The following SGCD variants were observed in gnomAD, a reference collection of about 807,000 sequenced individuals.
SGCD encodes the protein delta-sarcoglycan.
Under a neutral mutation model 36.6 loss-of-function variants are expected in SGCD, and 18 were observed. That is an observed-to-expected ratio of 0.49 (90% CI 0.34 to 0.73). The LOEUF (loss-of-function observed/expected upper bound fraction) is 0.73, where lower values mean the gene tolerates loss of function less well. Ranked by LOEUF, SGCD falls within the 30% of genes least tolerant of loss-of-function variation. SGCD has a pLI of 0.01. For synonymous variants in SGCD, 133 were observed against 130.6 expected (o/e 1.02, Z -0.12); for missense variants, 387 against 346.7 (o/e 1.12, Z -0.92).
chr5:155,935,318 A>C (rs1757173433), intron 1 of SGCD, among the ~76,000 whole-genome samples: 1 of 152,080 alleles, frequency 6.6e-6, no homozygotes, highest in African/African-American at 2.4e-5. Flanking sequence ...TTTATTCAAA[A>C]CGTATTTGTT....
chr5:156,595,540 C>T (rs957126745), intron 6 of SGCD, among the ~76,000 whole-genome samples: 2 of 152,158 alleles, frequency 1.3e-5, no homozygotes, highest in African/African-American at 2.4e-5. Context: ...GTTGAACCTC[C>T]CTGAGTCTGG....
At chr5:156,213,398 C>T (rs577742913) in intron 3 of SGCD, among the ~76,000 whole-genome samples, 3 of 151,936 alleles carry the variant, frequency 2.0e-5, no homozygotes, top group Non-Finnish European at 2.9e-5. Context: ...AAACATACAA[C>T]CTACCATGAC....
At chr5:155,839,253 C>T in the SGCD span, among the ~76,000 whole-genome samples, 2 of 152,146 alleles carry the variant, frequency 1.3e-5, no homozygotes, top group Non-Finnish European at 2.9e-5. Flanking sequence ...GTAATGATAT[C>T]ATCAGTGTGG....
intron 1 of SGCD, among the ~76,000 whole-genome samples, chr5:156,050,466 C>T (rs1759888676): frequency 6.8e-6 from 1 of 146,406 alleles, no homozygotes; most frequent in Admixed American, 6.8e-5. Context: ...ACTAGGAAAC[C>T]AAAAAATTCT....
chr5:156,526,062 G>A (rs1757628740), intron 4 of SGCD, among the ~76,000 whole-genome samples: 1 of 152,132 alleles, frequency 6.6e-6, no homozygotes, highest in Admixed American at 6.6e-5. Context: ...GAAATTGTAT[G>A]CAAGTTCAAT....
At chr5:156,446,785 AAGAAT>A (rs1282691748) in intron 3 of SGCD, among the ~76,000 whole-genome samples, 1 of 152,172 alleles carries the variant, frequency 6.6e-6, no homozygotes, top group Non-Finnish European at 1.5e-5. Context: ...TAATAAGGCA[AAGAAT>A]GTGAATCCCA....
chr5:155,947,609 G>A (rs1037355682), intron 1 of SGCD, among the ~76,000 whole-genome samples: 4 of 151,972 alleles, frequency 2.6e-5, no homozygotes, highest in African/African-American at 7.3e-5. Flanking sequence ...CTGTAAAATG[G>A]GTATTAGAGT....
At chr5:155,807,594 A>G in the SGCD span, among the ~76,000 whole-genome samples, 1 of 152,250 alleles carries the variant, frequency 6.6e-6, no homozygotes, top group African/African-American at 2.4e-5. Context: ...CATAAATCCC[A>G]TAAAACACTC....
chr5:156,549,211 A>G (rs1370874594), intron 4 of SGCD, among the ~76,000 whole-genome samples: 1 of 152,144 alleles, frequency 6.6e-6, no homozygotes, highest in East Asian at 1.9e-4. Flanking sequence ...ATCATCTTTG[A>G]TCACAGATTG....
At chr5:156,163,497 T>C (rs533343568) in intron 3 of SGCD, among the ~76,000 whole-genome samples, 2 of 151,702 alleles carry the variant, frequency 1.3e-5, no homozygotes, top group South Asian at 4.1e-4. Flanking sequence ...CTGTGCTTAC[T>C]GTGCTTTCTC....
intron 7 of SGCD, among the ~76,000 whole-genome samples, chr5:156,703,121 G>T (rs529382297): frequency 6.6e-6 from 1 of 152,264 alleles, no homozygotes; most frequent in South Asian, 2.1e-4. Context: ...TTGCTATGCC[G>T]CCAGTAATAA....
intron 3 of SGCD, among the ~76,000 whole-genome samples, chr5:156,172,091 T>C (rs1329352396): frequency 6.6e-6 from 1 of 152,122 alleles, no homozygotes; most frequent in East Asian, 1.9e-4. Context: ...GAGACCAACC[T>C]GGCCAACGTG....
chr5:156,175,840 A>C (rs1044464887), intron 3 of SGCD, among the ~76,000 whole-genome samples: 2 of 145,018 alleles, frequency 1.4e-5, no homozygotes, highest in African/African-American at 5.3e-5. Flanking sequence ...TTATATTTTA[A>C]GAATACAAAA....
chr5:156,392,438 A>AG (rs762458072), intron 3 of SGCD, among the ~76,000 whole-genome samples: 2 of 152,284 alleles, frequency 1.3e-5, no homozygotes, highest in South Asian at 4.1e-4. Context: ...CAAACTTCTA[A>AG]GGGGAGCATA....
At chr5:156,083,429 G>A (rs1484591990) in intron 1 of SGCD, among the ~76,000 whole-genome samples, 1 of 151,582 alleles carries the variant, frequency 6.6e-6, no homozygotes, top group Non-Finnish European at 1.5e-5. Context: ...CGAGTAGCTG[G>A]GATTACAGGC....
intron 3 of SGCD, among the ~76,000 whole-genome samples, chr5:156,319,743 C>G (rs1767609041): frequency 6.6e-6 from 1 of 152,154 alleles, no homozygotes. Flanking sequence ...TGATTTTGAC[C>G]ATATCACGTC....
the SGCD span, among the ~76,000 whole-genome samples, chr5:155,797,210 T>G: frequency 6.6e-6 from 1 of 152,188 alleles, no homozygotes. Context: ...AATCTTCCCA[T>G]ACAGAAAGTT....
chr5:156,129,426 C>G (rs1263010618), intron 3 of SGCD, among the ~76,000 whole-genome samples: 1 of 152,144 alleles, frequency 6.6e-6, no homozygotes, highest in Non-Finnish European at 1.5e-5. Context: ...GACTCCAAGG[C>G]CTGGCTTAAT....
chr5:156,197,472 C>CT (rs368116194), intron 3 of SGCD, among the ~76,000 whole-genome samples: 7,923 of 133,946 alleles, frequency 0.059, 502 homozygotes, highest in African/African-American at 0.16. Flanking sequence ...AATAGTTTTC[C>CT]TTTTTTTTTT....
Sources: allele counts gnomAD v4.1 joint callset (sites outside exome capture counted in the v4.1 genomes callset), GRCh38; gene constraint gnomAD v4.1.1; transcripts MANE v1.5; gene names NCBI Gene and HGNC (gene_info 2026-07-23, HGNC 2026-07-21).